Variants in UNC79 observed in about 807,000 individuals in gnomAD.
The protein encoded by UNC79 is protein unc-79 homolog.
In UNC79, 37 loss-of-function variants were observed where a neutral mutation model predicts 283.1. The ratio of observed to expected loss-of-function variants is 0.13; its 90% CI spans 0.10 to 0.17. The LOEUF (loss-of-function observed/expected upper bound fraction) is 0.17. Among genes scored for constraint, UNC79 ranks in the 10% least tolerant of loss-of-function variants. UNC79 has a pLI of 1.00. For synonymous variants in UNC79, 1,107 were observed against 1,200.2 expected (o/e 0.92, Z 1.61); for missense variants, 2,272 against 3,211.1 (o/e 0.71, Z 7.07).
intron 14 of UNC79, among the ~76,000 whole-genome samples, chr14:93,564,115 A>C (rs1268968386): frequency 6.6e-6 from 1 of 152,182 alleles, no homozygotes; most frequent in African/African-American, 2.4e-5. Context: ...TTCTGACTGC[A>C]CAGCCCTGCA....
chr14:93,580,306 G>C, exon 19 of UNC79: 1 of 1,614,198 alleles, frequency 6.2e-7, no homozygotes, highest in Non-Finnish European at 8.5e-7. Flanking sequence ...TGTCAGTCTA[G>C]TATCCTCTGC....
chr14:93,648,969 G>C (rs911580095), intron 35 of UNC79, among the ~76,000 whole-genome samples: 2 of 152,176 alleles, frequency 1.3e-5, no homozygotes, highest in Non-Finnish European at 2.9e-5. Flanking sequence ...GTGTGTGCGT[G>C]CGTGTGTATA....
At chr14:93,650,153 GT>G (rs1446092073) in intron 35 of UNC79, among the ~76,000 whole-genome samples, 1 of 152,052 alleles carries the variant, frequency 6.6e-6, no homozygotes, top group Non-Finnish European at 1.5e-5. Flanking sequence ...TTTATCAGGA[GT>G]TTGTTTCTTT....
intron 7 of UNC79, among the ~76,000 whole-genome samples, chr14:93,500,905 C>A (rs1457241350): frequency 6.6e-6 from 1 of 152,198 alleles, no homozygotes; most frequent in African/African-American, 2.4e-5. Flanking sequence ...GGCACTATAA[C>A]CCCAAATATT....
chr14:93,571,589 G>T (rs1051205026), intron 14 of UNC79, among the ~76,000 whole-genome samples: 1 of 152,214 alleles, frequency 6.6e-6, no homozygotes, highest in Non-Finnish European at 1.5e-5. Context: ...TGCTCATCCT[G>T]TTGGGAATAA....
chr14:93,398,739 G>T (rs2055046713), intron 1 of UNC79, among the ~76,000 whole-genome samples: 1 of 152,174 alleles, frequency 6.6e-6, no homozygotes, highest in Non-Finnish European at 1.5e-5. Context: ...GAAGAAGAAA[G>T]TCTGTAACAG....
intron 27 of UNC79, among the ~76,000 whole-genome samples, chr14:93,614,863 T>C (rs544572194): frequency 1.3e-5 from 2 of 152,232 alleles, no homozygotes; most frequent in Admixed American, 1.3e-4. Context: ...CCCCAAACAG[T>C]TCAGTAATAA....
At chr14:93,525,685 C>T (rs2060517295) in intron 8 of UNC79, among the ~76,000 whole-genome samples, 2 of 152,102 alleles carry the variant, frequency 1.3e-5, no homozygotes, top group African/African-American at 4.8e-5. Context: ...TCCTTCTTTT[C>T]TTCCTCCTGC....
At chr14:93,440,979 A>G (rs977952721) in intron 1 of UNC79, among the ~76,000 whole-genome samples, 1 of 152,050 alleles carries the variant, frequency 6.6e-6, no homozygotes, top group African/African-American at 2.4e-5. Context: ...GGTCTTTTAT[A>G]CCTTTTATTA....
chr14:93,414,611 C>T (rs2055412091), intron 1 of UNC79, among the ~76,000 whole-genome samples: 1 of 151,830 alleles, frequency 6.6e-6, no homozygotes, highest in Non-Finnish European at 1.5e-5. Context: ...CTATAAATTA[C>T]CTTGGGCAGT....
intron 1 of UNC79, among the ~76,000 whole-genome samples, chr14:93,351,010 G>T (rs1034528063): frequency 3.3e-5 from 5 of 152,128 alleles, no homozygotes; most frequent in Non-Finnish European, 7.4e-5. Flanking sequence ...GTATTCTCCT[G>T]CTATACTCAT....
intron 1 of UNC79, among the ~76,000 whole-genome samples, chr14:93,410,326 G>T (rs1286320338): frequency 6.6e-6 from 1 of 152,234 alleles, no homozygotes; most frequent in Non-Finnish European, 1.5e-5. Flanking sequence ...GTTCTGGCAA[G>T]TCTTGCCACC....
chr14:93,630,096 G>C (rs2067901869), intron 30 of UNC79, among the ~76,000 whole-genome samples: 2 of 152,200 alleles, frequency 1.3e-5, no homozygotes, highest in African/African-American at 4.8e-5. Context: ...TCAAATAGGA[G>C]AGCCAATGGC....
At chr14:93,484,458 G>A (rs1000475508) in intron 4 of UNC79, among the ~76,000 whole-genome samples, 5 of 152,142 alleles carry the variant, frequency 3.3e-5, no homozygotes, top group Admixed American at 6.6e-5. Flanking sequence ...TATAAGAGCT[G>A]TACATAATAA....
At chr14:93,605,806 G>C (rs1181695879) in intron 26 of UNC79, among the ~76,000 whole-genome samples, 1 of 152,182 alleles carries the variant, frequency 6.6e-6, no homozygotes, top group Non-Finnish European at 1.5e-5. Context: ...GGAGTCCGAA[G>C]TGGGAGGGGA....
intron 26 of UNC79, among the ~76,000 whole-genome samples, chr14:93,607,281 T>C (rs1252443647): frequency 6.6e-6 from 1 of 152,230 alleles, no homozygotes; most frequent in Non-Finnish European, 1.5e-5. Context: ...TTATATCATG[T>C]TCCTCATCGC....
chr14:93,695,222 C>T lies in UNC79; in HGVS notation c.7548+810C>T, dbSNP rs569401711. The stretch of plus-strand genomic sequence containing the variant: ...CACCTCTATATTCTATTATCTTGGC[C>T]ACTGTCACCAACCACCATCACCACC... On this transcript the variant is annotated intron_variant, in intron 47 of 48. Coordinates refer to ENST00000555664, the Ensembl canonical transcript of UNC79. 4.5e-4 allele frequency among the ~76,000 whole-genome samples: 68 copies of T among 152,142 alleles called. 1 individual carries two copies. The highest frequency in any genetic ancestry group is 1.4e-3 in the African/African-American group (59 of 41,524).
At chr14:93,539,764 C>G (rs2061289368) in intron 12 of UNC79, among the ~76,000 whole-genome samples, 1 of 152,116 alleles carries the variant, frequency 6.6e-6, no homozygotes, top group Non-Finnish European at 1.5e-5. Context: ...ATGTATGTTT[C>G]ATTTCTATAA....
intron 8 of UNC79, among the ~76,000 whole-genome samples, chr14:93,527,039 C>G (rs1335283839): frequency 1.3e-5 from 2 of 152,046 alleles, no homozygotes; most frequent in African/African-American, 4.8e-5. Context: ...TAATAGGCTG[C>G]AAAAAAGTAC....
Sources: allele counts gnomAD v4.1 joint callset (sites outside exome capture counted in the v4.1 genomes callset), GRCh38; gene constraint gnomAD v4.1.1; transcripts MANE v1.5; gene names NCBI Gene and HGNC (gene_info 2026-07-23, HGNC 2026-07-21).